Variants in DMD observed in about 807,000 individuals in gnomAD.
The protein encoded by DMD is mutant dystrophin.
Under a neutral mutation model 330.1 loss-of-function variants are expected in DMD, and 63 were observed. That is an observed-to-expected ratio of 0.19 (90% CI 0.16 to 0.24). The LOEUF is 0.24. Among genes scored for constraint, DMD ranks in the 10% least tolerant of loss-of-function variants. The probability of loss-of-function intolerance (pLI) is 1.00; values close to 1 mark genes in which losing one functional copy is unlikely to be tolerated. For missense variants in DMD, 3,344 were observed against 2,684.1 expected, an observed-to-expected ratio of 1.25 and a Z score of -5.43; for synonymous variants, 1,223 against 959.8, an observed-to-expected ratio of 1.27 and a Z score of -5.07.
chrX:32,669,557 T>C (rs2061509369), intron 9 of DMD, among the ~76,000 whole-genome samples: 1 of 111,796 alleles, frequency 8.9e-6, no homozygotes, highest in Admixed American at 9.5e-5. Context: ...CATGTACTTT[T>C]TGGGATTACT....
At chrX:33,016,005 C>G (rs183412693) in intron 2 of DMD, among the ~76,000 whole-genome samples, 2 of 110,778 alleles carry the variant, frequency 1.8e-5, no homozygotes, top group African/African-American at 6.6e-5. Context: ...AAAGGCTGGA[C>G]GGTAACAAAA....
intron 50 of DMD, among the ~76,000 whole-genome samples, chrX:31,777,474 A>AT (rs199905015): frequency 0.08 from 8,141 of 101,809 alleles, 302 homozygotes; most frequent in East Asian, 0.24. Context: ...TTGCTCTATA[A>AT]TTTTTTTTTT....
In DMD at chrX:32,902,158, AACAC is replaced by A. The variant is rs774414536; in HGVS notation, c.94-52342_94-52339del. Among the ~76,000 whole-genome samples the A allele has an allele frequency of 9.1e-3, 791 of 86,611 alleles. 4 individuals carry two copies. The highest frequency in any genetic ancestry group is 0.012 in the Middle Eastern group (2 of 162). 75.2% of individuals were successfully genotyped at this position (86,611 alleles called of 115,157 possible). A position where few individuals can be genotyped will look rare whatever the true frequency, so the allele number is the denominator to read the frequency against. ...CATAAGCAAGCATCACACACACACA[AACAC>A]ACACACACACACACACACACACACA... On this transcript the variant is annotated intron_variant, in intron 2 of 78. Transcript: ENST00000357033.
At chrX:32,865,637 T>C (rs2082420420) in intron 2 of DMD, among the ~76,000 whole-genome samples, 1 of 112,621 alleles carries the variant, frequency 8.9e-6, no homozygotes, top group South Asian at 3.6e-4. Context: ...TAGGCAAATG[T>C]CTGCTTGTCT....
At chrX:32,927,945 T>C (rs1453152034) in intron 2 of DMD, among the ~76,000 whole-genome samples, 1 of 111,269 alleles carries the variant, frequency 9.0e-6, no homozygotes, top group Non-Finnish European at 1.9e-5. Context: ...CAAAAGAAAA[T>C]ATGCCTGTGA....
intron 7 of DMD, among the ~76,000 whole-genome samples, chrX:32,806,441 T>C (rs1310814067): frequency 1.8e-5 from 2 of 111,261 alleles, no homozygotes; most frequent in Admixed American, 1.9e-4. Context: ...AGCACCCAGA[T>C]TCATAAAGCA....
In DMD at chrX:31,393,944, C is replaced by A. The variant is rs546263870; in HGVS notation, c.9085-45310G>T. 1.9e-4 allele frequency among the ~76,000 whole-genome samples: 21 copies of A among 112,371 alleles called. No individual in the cohort carries two copies. In the South Asian group the frequency reaches 7.3e-3, roughly 39 times the overall value. On this transcript the variant is annotated intron_variant, in intron 60 of 78. Transcript: ENST00000357033. ...TTACTGTTAGCTAAATTGCTCTTTACAACAAGGCTTACAAGATGATGATAC... is the reference window on the plus strand; with the variant it reads ...TTACTGTTAGCTAAATTGCTCTTTAAAACAAGGCTTACAAGATGATGATAC...
intron 1 of DMD, among the ~76,000 whole-genome samples, chrX:33,169,085 G>GC (rs1557284378): frequency 9.2e-6 from 1 of 108,242 alleles, no homozygotes; most frequent in African/African-American, 3.4e-5. Flanking sequence ...CAGTATTGGG[G>GC]CCTCCCAATT....
chrX:33,235,706 AGTCAATG>A (rs1160672604), intron 1 of DMD, among the ~76,000 whole-genome samples: 1 of 109,917 alleles, frequency 9.1e-6, no homozygotes, highest in East Asian at 2.9e-4. Flanking sequence ...TCACACAGCT[AGTCAATG>A]GTAGATTTAA....
chrX:33,090,398 A>G (rs1033953424), intron 1 of DMD, among the ~76,000 whole-genome samples: 13 of 108,138 alleles, frequency 1.2e-4, no homozygotes, highest in Non-Finnish European at 2.3e-4. Context: ...ATTCTATATT[A>G]TAACATATAT....
Position 31,120,220 on chromosome X carries a change from A to G in DMD, c.*1699T>C, listed in dbSNP as rs779104053. ...GCATGAAAGAGTAAAGCTTTTTCCT[A>G]CCAGTCCTTAGCTTTTCCTCTTGAG... is the stretch of plus-strand genomic sequence containing the variant. On this transcript the variant is annotated 3_prime_UTR_variant, in exon 79 of 79. Coordinates refer to ENST00000357033, the MANE Select transcript of DMD (RefSeq NM_004006.3). 8.9e-6 allele frequency: 1 copy of G among 112,079 alleles called. No homozygotes were observed. Among genetic ancestry groups the G allele is most frequent in the South Asian group, 3.8e-4 (1 of 2,663 alleles). 9.2% of individuals were successfully genotyped at this position (112,079 alleles called of 1,213,427 possible). A position where few individuals can be genotyped will look rare whatever the true frequency, so the allele number is the denominator to read the frequency against.
intron 7 of DMD, among the ~76,000 whole-genome samples, chrX:32,759,851 G>C (rs1025994870): frequency 3.2e-5 from 2 of 62,139 alleles, no homozygotes; most frequent in South Asian, 1.8e-3. Flanking sequence ...CTTGGGGGGG[G>C]GGGGGGGGCG....
chrX:31,167,306 G>A (rs902495356), intron 74 of DMD, among the ~76,000 whole-genome samples: 5 of 111,274 alleles, frequency 4.5e-5, no homozygotes, highest in African/African-American at 1.6e-4. Flanking sequence ...TCTCCATAGC[G>A]TTTGTAAGAA....
chrX:31,989,403 A>G (rs752374240), intron 44 of DMD, among the ~76,000 whole-genome samples: 1 of 112,118 alleles, frequency 8.9e-6, no homozygotes, highest in East Asian at 2.8e-4. Context: ...TCCTTTTATT[A>G]TATTAAATTT....
At chrX:31,219,855 C>CA (rs1293486227) in intron 64 of DMD, among the ~76,000 whole-genome samples, 1 of 111,215 alleles carries the variant, frequency 9.0e-6, no homozygotes, top group Non-Finnish European at 1.9e-5. Flanking sequence ...CACACACACA[C>CA]ACTTATATAC....
chrX:32,438,506 G>A, intron 28 of DMD, 116 bp from the exon 29 acceptor site: 2 of 921,357 alleles, frequency 2.2e-6, no homozygotes, highest in South Asian at 4.4e-5. Context: ...TCAATTTAAA[G>A]CAAATTTTAA....
intron 59 of DMD, among the ~76,000 whole-genome samples, chrX:31,469,797 C>T (rs189619027): frequency 1.7e-3 from 189 of 112,048 alleles, no homozygotes; most frequent in African/African-American, 5.8e-3. Context: ...CCATCACTTT[C>T]AGGTACACCA....
chrX:31,343,813 A>G (rs1219927120), intron 61 of DMD, among the ~76,000 whole-genome samples: 1 of 110,292 alleles, frequency 9.1e-6, no homozygotes, highest in African/African-American at 3.3e-5. Context: ...CACATTACTA[A>G]ACATGTATCA....
intron 1 of DMD, among the ~76,000 whole-genome samples, chrX:33,199,282 G>A (rs1251214257): frequency 9.0e-6 from 1 of 111,137 alleles, no homozygotes; most frequent in East Asian, 2.8e-4. Flanking sequence ...TAGGATGATG[G>A]TAGAGGAGAT....
Sources: allele counts gnomAD v4.1 joint callset (sites outside exome capture counted in the v4.1 genomes callset), GRCh38; gene constraint gnomAD v4.1.1; transcripts MANE v1.5; gene names NCBI Gene and HGNC (gene_info 2026-07-23, HGNC 2026-07-21).